Variants in TXNL4A observed in about 807,000 individuals in gnomAD.
TXNL4A encodes the protein thioredoxin-like protein 4A.
A neutral mutation model predicts 14.6 loss-of-function variants in TXNL4A; 17 were observed. The ratio of observed to expected loss-of-function variants is 1.16; its 90% CI spans 0.80 to 1.74. The LOEUF (loss-of-function observed/expected upper bound fraction) is 1.74, where lower values mean the gene tolerates loss of function less well. TXNL4A is among the 40% of genes most tolerant of loss of function. The pLI is 0.00. For missense variants in TXNL4A, 74 were observed against 195.2 expected (o/e 0.38, Z 3.70); for synonymous variants, 83 against 70.6 (o/e 1.18, Z -0.88).
At chr18:80,007,529 G>T (rs1389622388) in intron 1 of TXNL4A, among the ~76,000 whole-genome samples, 1 of 152,078 alleles carries the variant, frequency 6.6e-6, no homozygotes, top group Non-Finnish European at 1.5e-5. Flanking sequence ...ACTAGGTTTA[G>T]GCCAGGCAGG....
chr18:80,008,508 C>T (rs1199633022), intron 1 of TXNL4A, among the ~76,000 whole-genome samples: 1 of 152,128 alleles, frequency 6.6e-6, no homozygotes, highest in East Asian at 1.9e-4. Context: ...TGTCTCTAAA[C>T]AATATTTTAA....
chr18:80,030,857 C>G (rs1252866415), intron 1 of TXNL4A, among the ~76,000 whole-genome samples: 2 of 152,132 alleles, frequency 1.3e-5, no homozygotes, highest in African/African-American at 4.8e-5. Flanking sequence ...ATCCCAGCTA[C>G]TTGGCAGGCT....
intron 1 of TXNL4A, chr18:79,986,706 T>C: frequency 1.0e-6 from 1 of 985,492 alleles, no homozygotes; most frequent in Non-Finnish European, 1.2e-6. Context: ...AGCCTCGAGC[T>C]GCCGGCAGCA....
At position 79,993,655 on chromosome 18, in the gene TXNL4A, G is replaced by T. The variant is rs940652523; in HGVS notation, c.-60-15954C>A. ...TGTGTTTCAGTCCTTTCAGCTACCGGATTTGACCAACTCCAAACCCTCTAG... is the reference window on the plus strand; with the variant it reads ...TGTGTTTCAGTCCTTTCAGCTACCGTATTTGACCAACTCCAAACCCTCTAG... On this transcript the variant is annotated intron_variant, in intron 1 of 2. Transcript: ENST00000585474. The surrounding 1 kb of genome is among the most constrained non-coding windows in gnomAD (Gnocchi z 4.4). Among the ~76,000 whole-genome samples, 1 of 152,074 alleles carries T rather than the reference G, an allele frequency of 6.6e-6. No individual in the cohort carries two copies. The highest frequency in any genetic ancestry group is 2.4e-5 in the African/African-American group (1 of 41,380).
At chr18:80,016,770 G>A (rs1161743116) in intron 1 of TXNL4A, among the ~76,000 whole-genome samples, 8 of 150,168 alleles carry the variant, frequency 5.3e-5, no homozygotes, top group African/African-American at 1.9e-4. Context: ...CTGTAGCCTT[G>A]TAGTATAGTT....
At chr18:80,009,980 G>A (rs2051759347) in intron 1 of TXNL4A, among the ~76,000 whole-genome samples, 1 of 152,162 alleles carries the variant, frequency 6.6e-6, no homozygotes. Flanking sequence ...CCCAACTCCT[G>A]AGGTCTTATC....
At chr18:79,988,137 C>T in intron 1 of TXNL4A, 103 bp downstream of exon 1, 5 of 1,283,070 alleles carry the variant, frequency 3.9e-6, no homozygotes, top group Non-Finnish European at 1.0e-6. Context: ...GCCGCGGCCC[C>T]TCCTCGGGGA....
chr18:79,988,165 G>A, intron 1 of TXNL4A, 75 bp downstream of exon 1: 1 of 1,337,830 alleles, frequency 7.5e-7, no homozygotes, highest in African/African-American at 1.5e-5. Flanking sequence ...GCGCCCCCAG[G>A]CGACGCCGGC....
intron 1 of TXNL4A, among the ~76,000 whole-genome samples, chr18:79,983,901 T>C (rs2051502330): frequency 6.6e-6 from 1 of 152,204 alleles, no homozygotes; most frequent in Non-Finnish European, 1.5e-5. Flanking sequence ...CATGCAGTTA[T>C]GAAGTGCCAA....
chr18:80,030,082 C>G (rs1310256552), intron 1 of TXNL4A, among the ~76,000 whole-genome samples: 1 of 152,138 alleles, frequency 6.6e-6, no homozygotes, highest in Non-Finnish European at 1.5e-5. Flanking sequence ...ATGGATTCAT[C>G]TCTCTCATCT....
chr18:80,027,720 G>A lies in TXNL4A; in HGVS notation c.-61+6131C>T, dbSNP rs1035687289. Among the ~76,000 whole-genome samples, 35 of 152,170 alleles carry A rather than the reference G, an allele frequency of 2.3e-4. 1 individual carries two copies. The highest frequency in any genetic ancestry group is 7.3e-5 in the Non-Finnish European group (5 of 68,048). On this transcript the variant is annotated intron_variant, in intron 1 of 2. Transcript: ENST00000585474. ...CACACTATCTTCCTCCCAGGAAGAT[G>A]GTCTATATTTACTCAAACAGCCACC... is the stretch of plus-strand genomic sequence containing the variant.
intron 1 of TXNL4A, 47 bp downstream of exon 1, chr18:79,988,193 C>T: frequency 6.9e-7 from 1 of 1,450,922 alleles, no homozygotes; most frequent in Non-Finnish European, 9.3e-7. Flanking sequence ...AGGCGCGGGG[C>T]AGATGCGGAA....
intron 1 of TXNL4A, among the ~76,000 whole-genome samples, chr18:80,033,679 C>T (rs1242492088): frequency 6.6e-6 from 1 of 152,250 alleles, no homozygotes; most frequent in Non-Finnish European, 1.5e-5. Context: ...TTAAACAAAA[C>T]GTGTTCCTAG....
intron 1 of TXNL4A, among the ~76,000 whole-genome samples, chr18:80,030,161 G>C (rs2051911863): frequency 6.6e-6 from 1 of 152,106 alleles, no homozygotes; most frequent in Non-Finnish European, 1.5e-5. Flanking sequence ...ACTAAACATT[G>C]ACCTTCAACC....
At chr18:80,005,326 G>T (rs969167601) in intron 1 of TXNL4A, among the ~76,000 whole-genome samples, 1 of 152,224 alleles carries the variant, frequency 6.6e-6, no homozygotes, top group East Asian at 1.9e-4. Context: ...AGCTCCCCTG[G>T]GGGGAGAAAA....
chr18:79,977,576 T>A (rs1319118206), intron 2 of TXNL4A, 22 bp downstream of exon 2: 1 of 1,517,798 alleles, frequency 6.6e-7, no homozygotes, highest in East Asian at 2.3e-5. Context: ...TCAATTTCAG[T>A]AACAACTTTA....
At chr18:80,003,726 A>C (rs1415004943) in intron 1 of TXNL4A, among the ~76,000 whole-genome samples, 1 of 152,298 alleles carries the variant, frequency 6.6e-6, no homozygotes, top group East Asian at 1.9e-4. Flanking sequence ...GAGAATAGGT[A>C]ATTCATAAAG....
rs1206575010 is a variant in TXNL4A at position 80,011,086 on chromosome 18, G to C, written c.-61+22765C>G. On this transcript the variant is annotated intron_variant, in intron 1 of 2. Transcript: ENST00000585474. This position sits in a 1 kb window ranked among gnomAD's most constrained non-coding sequence, Gnocchi z 4.1. ...GGCACATCCATGTGTGGTTTTATTT[G>C]CATTACCATTTGGTGCTTGTTAGCC... Among the ~76,000 whole-genome samples, 2 of 152,102 alleles carry C rather than the reference G, an allele frequency of 1.3e-5. No homozygotes were observed. Among genetic ancestry groups the C allele is most frequent in the Non-Finnish European group, 2.9e-5 (2 of 68,016 alleles).
chr18:80,006,404 T>C (rs1796593243), intron 1 of TXNL4A, among the ~76,000 whole-genome samples: 1 of 151,934 alleles, frequency 6.6e-6, no homozygotes, highest in African/African-American at 2.4e-5. Flanking sequence ...GGAAAGTTTA[T>C]TAGGAAGAAT....
Sources: allele counts gnomAD v4.1 joint callset (sites outside exome capture counted in the v4.1 genomes callset), GRCh38; gene constraint gnomAD v4.1.1; non-coding constraint Gnocchi (gnomAD v3.1); transcripts MANE v1.5; gene names NCBI Gene and HGNC (gene_info 2026-07-23, HGNC 2026-07-21).